ACBD6: variants seen among roughly 807,000 people sequenced by gnomAD.
ACBD6 encodes acyl-CoA-binding domain-containing protein 6.
In ACBD6, 28 loss-of-function variants were observed where a neutral mutation model predicts 37.2. The observed-to-expected ratio is 0.75, with a 90% CI of 0.56 to 1.03. The LOEUF (loss-of-function observed/expected upper bound fraction) is 1.03, where lower values mean the gene tolerates loss of function less well. ACBD6 is among the 50% of genes least tolerant of loss of function. The probability of loss-of-function intolerance (pLI) is 0.00; values close to 1 mark genes in which losing one functional copy is unlikely to be tolerated. For missense variants in ACBD6, 340 were observed against 337.4 expected (o/e 1.01, Z -0.06); for synonymous variants, 113 against 126.8 (o/e 0.89, Z 0.73).
intron 6 of ACBD6, among the ~76,000 whole-genome samples, chr1:180,335,931 G>C (rs904195622): frequency 2.5e-4 from 38 of 150,650 alleles, no homozygotes; most frequent in African/African-American, 8.7e-4. Flanking sequence ...TTACATAATG[G>C]TAAAGGGATC....
intron 3 of ACBD6, among the ~76,000 whole-genome samples, chr1:180,451,120 A>G (rs765936731): frequency 6.6e-6 from 1 of 152,232 alleles, no homozygotes; most frequent in Non-Finnish European, 1.5e-5. Context: ...CTTAAAAAAG[A>G]TATACAAATG....
chr1:180,316,126 T>C (rs548917061), intron 6 of ACBD6, among the ~76,000 whole-genome samples: 1 of 152,218 alleles, frequency 6.6e-6, no homozygotes, highest in South Asian at 2.1e-4. Context: ...GGAAGAGAGC[T>C]AAGGCAGCTA....
chr1:180,272,044 A>G (rs1017357453), intron 13 of ACBD6: 6 of 1,581,516 alleles, frequency 3.8e-6, no homozygotes, highest in Non-Finnish European at 5.2e-6. Context: ...AGGCCTTAGG[A>G]AAGTCCCCTG....
At chr1:180,442,472 G>A (rs1649319926) in intron 3 of ACBD6, among the ~76,000 whole-genome samples, 1 of 152,152 alleles carries the variant, frequency 6.6e-6, no homozygotes, top group Non-Finnish European at 1.5e-5. Flanking sequence ...TATCAATGGA[G>A]CAAAGATTGA....
chr1:180,317,611 T>A (rs1338435905), intron 6 of ACBD6, among the ~76,000 whole-genome samples: 3 of 152,144 alleles, frequency 2.0e-5, no homozygotes, highest in African/African-American at 7.2e-5. Flanking sequence ...CAGTCTGCAG[T>A]AGAAGAGAAT....
chr1:180,294,938 A>T (rs1289528078), intron 7 of ACBD6, among the ~76,000 whole-genome samples: 1 of 151,986 alleles, frequency 6.6e-6, no homozygotes, highest in East Asian at 1.9e-4. Flanking sequence ...GTCTCAAGTG[A>T]TCCTTCTGCA....
chr1:180,454,328 A>G lies in ACBD6; in HGVS notation c.385-24066T>C, dbSNP rs189344228. On this transcript the variant is annotated intron_variant, in intron 3 of 7. Transcript: ENST00000367595. ...GGGAAAACTGGCTAGCCATATGCAG[A>G]AAACTGAAATTGGACCCCTTCCTTA... 6.7e-3 allele frequency among the ~76,000 whole-genome samples: 1,017 copies of G among 152,352 alleles called. 18 individuals are homozygous for G. Among genetic ancestry groups the G allele is most frequent in the African/African-American group, 0.023 (971 of 41,588 alleles).
At position 180,331,422 on chromosome 1, in the gene ACBD6, G is replaced by C. The variant is rs530976584; in HGVS notation, c.664-16700C>G. Among the ~76,000 whole-genome samples the C allele has an allele frequency of 5.7e-4, 87 of 152,216 alleles. 1 individual carries two copies. The highest frequency in any genetic ancestry group is 2.1e-3 in the African/African-American group (87 of 41,544). ...AAAATGTAGTCAATATCCTAATATG[G>C]TATCAAACTTATATAATCAGAATTT... On this transcript the variant is annotated intron_variant, in intron 6 of 7. Transcript: ENST00000367595.
chr1:180,303,588 A>G (rs1055357995), intron 7 of ACBD6, among the ~76,000 whole-genome samples: 1 of 150,914 alleles, frequency 6.6e-6, no homozygotes, highest in African/African-American at 2.4e-5. Context: ...GATCAATAAT[A>G]GGATCTGAAA....
At chr1:180,457,815 G>A (rs1357885099) in intron 3 of ACBD6, among the ~76,000 whole-genome samples, 19 of 145,304 alleles carry the variant, frequency 1.3e-4, no homozygotes, top group African/African-American at 4.6e-4. Context: ...TTTTTGAGAC[G>A]GAGTTTCGCT....
At chr1:180,490,981 AAGG>A (rs1465468311) in intron 3 of ACBD6, among the ~76,000 whole-genome samples, 7 of 149,642 alleles carry the variant, frequency 4.7e-5, no homozygotes, top group Middle Eastern at 3.4e-3. Flanking sequence ...AAAAAAAAAA[AAGG>A]ACATTTTTCA....
At chr1:180,368,139 G>C (rs1417340533) in intron 6 of ACBD6, among the ~76,000 whole-genome samples, 1 of 152,146 alleles carries the variant, frequency 6.6e-6, no homozygotes, top group Non-Finnish European at 1.5e-5. Flanking sequence ...CTAGTGATCA[G>C]TGATATTGAC....
intron 6 of ACBD6, among the ~76,000 whole-genome samples, chr1:180,333,076 T>C (rs1651548144): frequency 6.6e-6 from 1 of 152,202 alleles, no homozygotes; most frequent in African/African-American, 2.4e-5. Context: ...GTGGTTTAAA[T>C]CTATCAATAT....
chr1:180,480,070 GGATAAAA>G (rs1650965702), intron 3 of ACBD6, among the ~76,000 whole-genome samples: 1 of 152,102 alleles, frequency 6.6e-6, no homozygotes, highest in Non-Finnish European at 1.5e-5. Flanking sequence ...AGATGAAGAG[GGATAAAA>G]GGTGGGACTC....
intron 2 of ACBD6, among the ~76,000 whole-genome samples, chr1:180,492,703 C>T (rs1571579952): frequency 6.6e-6 from 1 of 152,164 alleles, no homozygotes; most frequent in East Asian, 1.9e-4. Context: ...AAATTTCACC[C>T]CTATTGAGGA....
chr1:180,297,994 CT>C (rs1459949770), intron 7 of ACBD6, among the ~76,000 whole-genome samples: 4 of 152,190 alleles, frequency 2.6e-5, no homozygotes, highest in African/African-American at 7.2e-5. Flanking sequence ...ACCCACCTGC[CT>C]TGGCCTCCCA....
chr1:180,502,274 T>C lies in ACBD6; in HGVS notation c.-8A>G. The C allele has an allele frequency of 6.2e-7, 1 of 1,612,336 alleles. No individual in the cohort carries two copies. The highest frequency in any genetic ancestry group is 8.5e-7 in the Non-Finnish European group (1 of 1,179,974). The stretch of plus-strand genomic sequence containing the variant: ...CAGGAATGATGAAGCCATGTCTCCT[T>C]GCTCGCTCCGTCCCTCTGTGTCCGG... On this transcript the variant is annotated 5_prime_UTR_variant, in exon 1 of 8. Coordinates refer to ENST00000367595, the MANE Select transcript of ACBD6 (RefSeq NM_032360.4).
chr1:180,273,386 T>C (rs1388123450), exon 12 of ACBD6: 1 of 152,362 alleles, frequency 6.6e-6, no homozygotes, highest in Admixed American at 6.5e-5. Context: ...ATCTGGGCTG[T>C]TGAAGTCAAC....
chr1:180,310,325 A>T lies in ACBD6; in HGVS notation c.694+4367T>A, dbSNP rs143119146. 1.9e-3 allele frequency among the ~76,000 whole-genome samples: 293 copies of T among 152,234 alleles called. 1 individual carries two copies. The highest frequency in any genetic ancestry group is 6.8e-3 in the African/African-American group (282 of 41,530). On this transcript the variant is annotated intron_variant, in intron 7 of 7. Coordinates refer to ENST00000367595, the MANE Select transcript of ACBD6 (RefSeq NM_032360.4). Reference sequence around the variant, plus strand: ...CAGTGAGCCATGATTGCGCCACTACACTCTAGCCTGGGCGACAAGAGTGAA... The same window carrying T: ...CAGTGAGCCATGATTGCGCCACTACTCTCTAGCCTGGGCGACAAGAGTGAA...
Sources: allele counts gnomAD v4.1 joint callset (sites outside exome capture counted in the v4.1 genomes callset), GRCh38; gene constraint gnomAD v4.1.1; transcripts MANE v1.5; gene names NCBI Gene and HGNC (gene_info 2026-07-23, HGNC 2026-07-21).